The following MALRD1 variants were observed in gnomAD, a reference collection of about 807,000 sequenced individuals.
MALRD1 encodes the protein MAM and LDL receptor class A domain containing 1, also known as MAM and LDL-receptor class A domain-containing protein 1.
MALRD1 carries 247 observed loss-of-function variants against 242.1 expected under a neutral mutation model. That is an observed-to-expected ratio of 1.02 (90% CI 0.92 to 1.13). MALRD1 has a LOEUF of 1.13. Ranked by LOEUF, MALRD1 falls within the 50% of genes most tolerant of loss-of-function variation. The pLI is 0.00. For synonymous variants in MALRD1, 995 were observed against 866.6 expected (o/e 1.15, Z -2.60); for missense variants, 2,989 against 2,533.1 (o/e 1.18, Z -3.86).
chr10:19,516,031 G>T (rs1833612565), intron 31 of MALRD1, among the ~76,000 whole-genome samples: 1 of 152,164 alleles, frequency 6.6e-6, no homozygotes, highest in South Asian at 2.1e-4. Flanking sequence ...ATCGTCTTAA[G>T]TTATTTTCAT....
In MALRD1 at chr10:19,104,082, A is replaced by T; in HGVS notation, c.694+7A>T. The stretch of plus-strand genomic sequence containing the variant: ...GGCTGCTTGCCTGCCAATGGTAAGA[A>T]CTTTTTCTCTCATTTTGATCTTTAC... On this transcript the variant is annotated splice_region_variant and intron_variant, in intron 5 of 39. Transcript: ENST00000454679. 1 of 1,222,298 alleles carries T rather than the reference A, an allele frequency of 8.2e-7. No homozygotes were observed. Among genetic ancestry groups the T allele is most frequent in the African/African-American group, 1.6e-5 (1 of 64,354 alleles). The allele number at this position is 1,222,298 out of a possible 1,614,324, so 75.7% of individuals were successfully genotyped here. A position where few individuals can be genotyped will look rare whatever the true frequency, so the allele number is the denominator to read the frequency against.
chr10:19,355,994 A>T (rs1397584883), intron 26 of MALRD1, among the ~76,000 whole-genome samples: 1 of 150,480 alleles, frequency 6.6e-6, no homozygotes, highest in African/African-American at 2.4e-5. Context: ...TAAATATTTT[A>T]AGCAGAGTGT....
chr10:19,293,375 C>T (rs1223424127), intron 21 of MALRD1, among the ~76,000 whole-genome samples: 2 of 152,126 alleles, frequency 1.3e-5, no homozygotes, highest in Non-Finnish European at 2.9e-5. Context: ...GGCAGTATTG[C>T]CATAGGACTG....
intron 17 of MALRD1, among the ~76,000 whole-genome samples, chr10:19,208,084 A>ATT (rs5783658): frequency 6.0e-5 from 9 of 149,354 alleles, no homozygotes; most frequent in Middle Eastern, 6.9e-3. Flanking sequence ...TCCATTTCAC[A>ATT]TTTTTTTTTT....
intron 32 of MALRD1, among the ~76,000 whole-genome samples, chr10:19,539,731 G>C (rs1257257292): frequency 6.6e-6 from 1 of 151,668 alleles, no homozygotes. Context: ...CTGTCACCCA[G>C]GCTGGAGTGC....
At chr10:19,216,144 G>A (rs111429781) in intron 18 of MALRD1, among the ~76,000 whole-genome samples, 3,457 of 132,140 alleles carry the variant, frequency 0.026, 133 homozygotes, top group East Asian at 0.18. Flanking sequence ...TTGAGACAGC[G>A]TCTTTCTCTG....
intron 26 of MALRD1, among the ~76,000 whole-genome samples, chr10:19,359,131 A>T (rs1844776812): frequency 6.6e-6 from 1 of 152,168 alleles, no homozygotes; most frequent in Admixed American, 6.6e-5. Context: ...AGATTCAGAG[A>T]AGTTGATGAG....
At chr10:19,150,714 A>G (rs1588618089) in intron 11 of MALRD1, among the ~76,000 whole-genome samples, 2 of 152,204 alleles carry the variant, frequency 1.3e-5, no homozygotes, top group Admixed American at 1.3e-4. Flanking sequence ...CATGCTAAAT[A>G]TGCTTTTTTT....
chr10:19,335,444 G>A (rs574715619), intron 24 of MALRD1, among the ~76,000 whole-genome samples: 64 of 151,936 alleles, frequency 4.2e-4, no homozygotes, highest in African/African-American at 1.5e-3. Context: ...TAAATGTTAC[G>A]TTTTAGTTAT....
chr10:19,593,420 T>C (rs1373428149), intron 33 of MALRD1, among the ~76,000 whole-genome samples: 1 of 152,160 alleles, frequency 6.6e-6, no homozygotes, highest in Non-Finnish European at 1.5e-5. Flanking sequence ...GACTTTCACA[T>C]CTCATTTTTT....
At chr10:19,710,474 A>G (rs541788651) in intron 38 of MALRD1, 1 of 152,348 alleles carries the variant, frequency 6.6e-6, no homozygotes, top group Admixed American at 6.5e-5. Context: ...ACCATACAAA[A>G]TCAGTTTACA....
intron 18 of MALRD1, among the ~76,000 whole-genome samples, chr10:19,219,469 C>T (rs1435275562): frequency 6.6e-6 from 1 of 152,058 alleles, no homozygotes; most frequent in African/African-American, 2.4e-5. Flanking sequence ...CAAGTTCTCA[C>T]TCTGTTGCCC....
chr10:19,345,570 T>A (rs1844079828), intron 24 of MALRD1, among the ~76,000 whole-genome samples: 4 of 152,010 alleles, frequency 2.6e-5, no homozygotes, highest in Admixed American at 2.6e-4. Flanking sequence ...AAAAAAAAAA[T>A]TACAAAATAC....
chr10:19,563,808 T>A (rs916331377), intron 32 of MALRD1, among the ~76,000 whole-genome samples: 7 of 152,186 alleles, frequency 4.6e-5, no homozygotes, highest in African/African-American at 1.7e-4. Context: ...GGATGTCCCC[T>A]CCAAATCATA....
In MALRD1 at chr10:19,165,805, T is replaced by C. The variant is rs529945353; in HGVS notation, c.1825T>C (p.Phe609Leu). 198 of 1,231,626 alleles carry C rather than the reference T, an allele frequency of 1.6e-4. No homozygotes were observed. In the African/African-American group the frequency reaches 2.9e-3, roughly 18 times the overall value. 76.3% of individuals were successfully genotyped at this position (1,231,626 alleles called of 1,614,324 possible). A position where few individuals can be genotyped will look rare whatever the true frequency, so the allele number is the denominator to read the frequency against. The change falls in exon 13 of 40, where the codon TTT becomes CTT. Residue 609 changes from phenylalanine to leucine, a missense_variant. By Grantham distance (22) the Phe-to-Leu change is conservative. Coordinates refer to ENST00000454679, the MANE Select transcript of MALRD1 (RefSeq NM_001142308.3). ...IAEAGESTLP[F>L]QLILEATVLS... Reference sequence around the variant, plus strand: ...AGAAGCGGGAGAATCTACTCTACCTTTTCAGGTAAGCACATACGAAATTAA... The same window carrying C: ...AGAAGCGGGAGAATCTACTCTACCTCTTCAGGTAAGCACATACGAAATTAA...
intron 36 of MALRD1, among the ~76,000 whole-genome samples, chr10:19,626,621 A>T (rs1208601443): frequency 6.6e-6 from 1 of 152,038 alleles, no homozygotes; most frequent in East Asian, 1.9e-4. Context: ...AGCAGCAATT[A>T]TTATAATATA....
intron 26 of MALRD1, among the ~76,000 whole-genome samples, chr10:19,386,378 T>C (rs759066721): frequency 8.0e-5 from 12 of 150,600 alleles, no homozygotes; most frequent in Non-Finnish European, 1.2e-4. Context: ...CAAGGAGTGA[T>C]GTTATCAGCT....
intron 38 of MALRD1, among the ~76,000 whole-genome samples, chr10:19,694,744 A>C (rs982557447): frequency 6.6e-6 from 1 of 152,234 alleles, no homozygotes; most frequent in Non-Finnish European, 1.5e-5. Context: ...AGGGATATAA[A>C]TCATGCTGCT....
At chr10:19,368,663 A>ATTTTTATAGAAATTGTATTGAATT (rs1845214232) in intron 26 of MALRD1, among the ~76,000 whole-genome samples, 1 of 151,858 alleles carries the variant, frequency 6.6e-6, no homozygotes, top group African/African-American at 2.4e-5. Context: ...CGTCATTGAT[A>ATTTTTATAGAAATTGTATTGAATT]TTTTTATAGA....
Sources: allele counts gnomAD v4.1 joint callset (sites outside exome capture counted in the v4.1 genomes callset), GRCh38; gene constraint gnomAD v4.1.1; transcripts MANE v1.5; gene names NCBI Gene and HGNC (gene_info 2026-07-23, HGNC 2026-07-21).